SPIDR: variants seen among roughly 807,000 people sequenced by gnomAD.
SPIDR encodes DNA repair-scaffolding protein.
A neutral mutation model predicts 104.6 loss-of-function variants in SPIDR; 93 were observed. That is an observed-to-expected ratio of 0.89 (90% confidence interval 0.75 to 1.06). The LOEUF is 1.06. SPIDR is among the 50% of genes least tolerant of loss of function. The pLI, the probability that SPIDR is intolerant of heterozygous loss-of-function variation, is 0.00. For missense variants in SPIDR, 1,154 were observed against 1,111.2 expected (o/e 1.04, Z -0.55); for synonymous variants, 431 against 416.9 (o/e 1.03, Z -0.41).
chr8:47,323,862 T>C (rs2154264108), intron 5 of SPIDR, among the ~76,000 whole-genome samples: 1 of 152,348 alleles, frequency 6.6e-6, no homozygotes, highest in African/African-American at 2.4e-5. Context: ...TACGAAATGC[T>C]GTGTTTCTGG....
intron 8 of SPIDR, among the ~76,000 whole-genome samples, chr8:47,493,661 C>T (rs775058331): frequency 6.6e-6 from 1 of 152,118 alleles, no homozygotes; most frequent in Non-Finnish European, 1.5e-5. Flanking sequence ...AGCAGCAGGG[C>T]TTAGATGATG....
At chr8:47,725,016 G>A (rs1286698589) in intron 16 of SPIDR, among the ~76,000 whole-genome samples, 1 of 152,200 alleles carries the variant, frequency 6.6e-6, no homozygotes, top group Non-Finnish European at 1.5e-5. Context: ...TCTGTGGAAA[G>A]AGGGGTGAAG....
chr8:47,648,000 T>G (rs1246729695), intron 10 of SPIDR, among the ~76,000 whole-genome samples: 4 of 151,980 alleles, frequency 2.6e-5, no homozygotes, highest in Non-Finnish European at 5.9e-5. Flanking sequence ...CGTGAGGAGG[T>G]CTAGAAAGCC....
intron 5 of SPIDR, among the ~76,000 whole-genome samples, chr8:47,353,708 ATTT>A (rs10712418): frequency 7.6e-5 from 11 of 145,438 alleles, no homozygotes; most frequent in Admixed American, 1.4e-4. Context: ...CTATACTGAG[ATTT>A]TTTTTTTTTT....
intron 11 of SPIDR, among the ~76,000 whole-genome samples, chr8:47,680,866 G>C (rs2077007332): frequency 6.6e-6 from 1 of 152,224 alleles, no homozygotes; most frequent in African/African-American, 2.4e-5. Context: ...CCAGCACTTT[G>C]GGAGGCCGAG....
intron 8 of SPIDR, among the ~76,000 whole-genome samples, chr8:47,568,670 AT>A (rs2058175629): frequency 1.3e-5 from 2 of 152,200 alleles, no homozygotes; most frequent in African/African-American, 4.8e-5. Flanking sequence ...AGCAAAGAGG[AT>A]TTTCACGTAT....
At chr8:47,319,688 G>T (rs958235910) in intron 5 of SPIDR, among the ~76,000 whole-genome samples, 11 of 152,142 alleles carry the variant, frequency 7.2e-5, no homozygotes, top group African/African-American at 1.9e-4. Flanking sequence ...TGACCACATA[G>T]TTGGAAGTAA....
At chr8:47,731,276 T>A (rs1378050691) in intron 19 of SPIDR, among the ~76,000 whole-genome samples, 2 of 149,858 alleles carry the variant, frequency 1.3e-5, no homozygotes, top group Admixed American at 6.6e-5. Flanking sequence ...AAAGGGCTTC[T>A]GCTCCCTCCT....
chr8:47,438,536 A>G (rs192917726), intron 7 of SPIDR, among the ~76,000 whole-genome samples: 1 of 152,312 alleles, frequency 6.6e-6, no homozygotes, highest in East Asian at 1.9e-4. Flanking sequence ...TTCATTAACA[A>G]AATGCCTGTT....
chr8:47,352,595 A>G (rs1554623171), intron 5 of SPIDR, among the ~76,000 whole-genome samples: 1 of 152,106 alleles, frequency 6.6e-6, no homozygotes, highest in African/African-American at 2.4e-5. Flanking sequence ...TTCACTCTGA[A>G]CGCTTTAGGC....
intron 5 of SPIDR, among the ~76,000 whole-genome samples, chr8:47,323,150 G>A (rs2047060600): frequency 6.6e-6 from 1 of 151,980 alleles, no homozygotes; most frequent in Non-Finnish European, 1.5e-5. Flanking sequence ...ATAGAGAAAT[G>A]TGATAAACTG....
At chr8:47,532,184 C>T (rs1564249180) in intron 8 of SPIDR, among the ~76,000 whole-genome samples, 4 of 151,784 alleles carry the variant, frequency 2.6e-5, no homozygotes, top group Admixed American at 6.6e-5. Context: ...ATTCTCCTGC[C>T]TCAGCCTCCC....
intron 8 of SPIDR, among the ~76,000 whole-genome samples, chr8:47,538,125 G>A (rs1283692631): frequency 6.6e-6 from 1 of 151,624 alleles, no homozygotes; most frequent in Non-Finnish European, 1.5e-5. Context: ...CAGTGAGCCG[G>A]GATCGTGCCA....
chr8:47,511,589 G>A (rs1481769741), intron 8 of SPIDR: 5 of 784,168 alleles, frequency 6.4e-6, no homozygotes, highest in African/African-American at 1.7e-5. Context: ...CTCTTGCAGA[G>A]TTTCAGTACT....
intron 5 of SPIDR, among the ~76,000 whole-genome samples, chr8:47,345,017 T>C (rs1563686772): frequency 6.6e-6 from 1 of 152,246 alleles, no homozygotes; most frequent in Non-Finnish European, 1.5e-5. Context: ...TTTTGGTGTT[T>C]TAGACATGAA....
At chr8:47,573,134 A>G (rs748448963) in intron 8 of SPIDR, among the ~76,000 whole-genome samples, 12 of 152,250 alleles carry the variant, frequency 7.9e-5, no homozygotes, top group Non-Finnish European at 1.2e-4. Flanking sequence ...TGTCTAAATT[A>G]TAAATCAGAA....
At chr8:47,452,117 A>T (rs782472985) in intron 8 of SPIDR, among the ~76,000 whole-genome samples, 2 of 152,206 alleles carry the variant, frequency 1.3e-5, no homozygotes, top group Admixed American at 1.3e-4. Context: ...CAAGGCACAT[A>T]GTAGTGAAGT....
chr8:47,480,170 A>T (rs1274123541), intron 8 of SPIDR, among the ~76,000 whole-genome samples: 2 of 152,216 alleles, frequency 1.3e-5, no homozygotes, highest in Non-Finnish European at 2.9e-5. Context: ...GCCTGGCCAC[A>T]GTTGAATACT....
At chr8:47,267,284 A>T (rs1460387482) in intron 1 of SPIDR, among the ~76,000 whole-genome samples, 1 of 152,022 alleles carries the variant, frequency 6.6e-6, no homozygotes, top group Non-Finnish European at 1.5e-5. Flanking sequence ...TCAGCTTCTC[A>T]AGGTGTTGGG....
Sources: gnomAD v4.1 joint callset for allele counts (sites outside exome capture counted in the v4.1 genomes callset) on GRCh38, gnomAD v4.1.1 for gene constraint, MANE v1.5 for transcripts, NCBI Gene and HGNC (gene_info 2026-07-23, HGNC 2026-07-21) for gene names.